The following ARHGAP24 variants were observed in gnomAD, a reference collection of about 807,000 sequenced individuals.
ARHGAP24 encodes the protein Rho GTPase activating protein 24.
A neutral mutation model predicts 76.4 loss-of-function variants in ARHGAP24; 50 were observed. The ratio of observed to expected loss-of-function variants is 0.65; its 90% confidence interval spans 0.52 to 0.83. The LOEUF (loss-of-function observed/expected upper bound fraction) is 0.83, where lower values mean the gene tolerates loss of function less well. Ranked by LOEUF, ARHGAP24 falls within the 40% of genes least tolerant of loss-of-function variation. The pLI, the probability that ARHGAP24 is intolerant of heterozygous loss-of-function variation, is 0.00. For missense variants in ARHGAP24, 930 were observed against 914.2 expected, an observed-to-expected ratio of 1.02 and a Z score of -0.22; for synonymous variants, 345 against 323.3, an observed-to-expected ratio of 1.07 and a Z score of -0.72.
intron 1 of ARHGAP24, among the ~76,000 whole-genome samples, chr4:85,481,703 G>A (rs1055128009): frequency 4.6e-5 from 7 of 152,168 alleles, no homozygotes; most frequent in Admixed American, 1.3e-4. Context: ...GGGGACATAC[G>A]TCCTGGGAGC....
At chr4:85,688,930 A>T (rs962395892) in intron 2 of ARHGAP24, among the ~76,000 whole-genome samples, 2 of 152,170 alleles carry the variant, frequency 1.3e-5, no homozygotes, top group African/African-American at 4.8e-5. Context: ...TACCAGAACC[A>T]TGCTTTTTTG....
rs1375545525 is a variant in ARHGAP24 at position 85,608,563 on chromosome 4, T to G, written c.180+37842T>G. ...TTTTTGTTTGGTTGTTTTTTTTTTTTTTTTTTTTTTTTTGAGACAGAGACT... is the reference window on the plus strand; with the variant it reads ...TTTTTGTTTGGTTGTTTTTTTTTTTGTTTTTTTTTTTTTGAGACAGAGACT... On this transcript the variant is annotated intron_variant, in intron 2 of 9. Transcript: ENST00000395184. 7.3e-5 allele frequency among the ~76,000 whole-genome samples: 10 copies of G among 137,326 alleles called. No homozygotes were observed. The South Asian group carries it at 2.3e-3, about 31-fold the overall frequency. 90.1% of individuals were successfully genotyped at this position (137,326 alleles called of 152,430 possible).
chr4:85,532,850 T>A (rs1179220631), intron 1 of ARHGAP24, among the ~76,000 whole-genome samples: 1 of 152,202 alleles, frequency 6.6e-6, no homozygotes, highest in Non-Finnish European at 1.5e-5. Context: ...CCACTGCTTT[T>A]TGTCAGTGAT....
chr4:85,912,546 T>C (rs1735148858), intron 3 of ARHGAP24, among the ~76,000 whole-genome samples: 1 of 152,210 alleles, frequency 6.6e-6, no homozygotes, highest in Non-Finnish European at 1.5e-5. Flanking sequence ...ATAATTTAGT[T>C]TTGTGCTATC....
chr4:85,717,087 C>T (rs778190629), intron 2 of ARHGAP24, among the ~76,000 whole-genome samples: 8 of 152,010 alleles, frequency 5.3e-5, no homozygotes, highest in Non-Finnish European at 7.4e-5. Flanking sequence ...GAATATCTAT[C>T]GTATTTACTA....
chr4:85,619,588 AAC>A (rs575297687), intron 2 of ARHGAP24, among the ~76,000 whole-genome samples: 214 of 152,050 alleles, frequency 1.4e-3, no homozygotes, highest in African/African-American at 5.1e-3. Flanking sequence ...CCAATCCACA[AAC>A]ACAGAATATC....
At chr4:85,609,114 A>C (rs984289427) in intron 2 of ARHGAP24, among the ~76,000 whole-genome samples, 3 of 152,180 alleles carry the variant, frequency 2.0e-5, no homozygotes, top group Admixed American at 2.0e-4. Flanking sequence ...TATCTAGTAA[A>C]GTGCTAGGAT....
chr4:85,778,882 A>G lies in ARHGAP24; in HGVS notation c.268+56910A>G, dbSNP rs551860123. On this transcript the variant is annotated intron_variant, in intron 3 of 9. Coordinates refer to ENST00000395184, the MANE Select transcript of ARHGAP24 (RefSeq NM_001025616.3). ...TCTGTACTTTTTTGCCAAAAGAATT[A>G]ACTTTAAACTGAAGGCAGTGGACAG... 26 of 985,464 alleles carry G rather than the reference A, an allele frequency of 2.6e-5. No homozygotes were observed. The South Asian group carries it at 1.1e-3, about 41-fold the overall frequency. The allele number at this position is 985,464 out of a possible 1,614,324, so 61.0% of individuals were successfully genotyped here.
At chr4:85,545,259 CG>C (rs1725875106) in intron 1 of ARHGAP24, among the ~76,000 whole-genome samples, 1 of 151,984 alleles carries the variant, frequency 6.6e-6, no homozygotes, top group South Asian at 2.1e-4. Context: ...ACCACCACAC[CG>C]GGCTAATTTT....
chr4:85,536,935 C>T (rs1725492115), intron 1 of ARHGAP24, among the ~76,000 whole-genome samples: 1 of 152,038 alleles, frequency 6.6e-6, no homozygotes. Flanking sequence ...TATTCAAAGG[C>T]ACAACAATTT....
chr4:85,651,293 G>A (rs6817221), intron 2 of ARHGAP24, among the ~76,000 whole-genome samples: 53,211 of 148,612 alleles, frequency 0.36, 11,976 homozygotes, highest in East Asian at 0.84. Flanking sequence ...GTGTAGCATA[G>A]ATTTGGGGGT....
intron 3 of ARHGAP24, among the ~76,000 whole-genome samples, chr4:85,724,369 G>A (rs1162308843): frequency 6.6e-6 from 1 of 151,860 alleles, no homozygotes; most frequent in African/African-American, 2.4e-5. Context: ...ACTAACAAAA[G>A]CCTCTAGCAA....
At chr4:85,922,948 T>A (rs1735809542) in intron 3 of ARHGAP24, among the ~76,000 whole-genome samples, 1 of 152,188 alleles carries the variant, frequency 6.6e-6, no homozygotes, top group South Asian at 2.1e-4. Flanking sequence ...CCATCAAGAT[T>A]TTGCACAGAG....
intron 1 of ARHGAP24, among the ~76,000 whole-genome samples, chr4:85,476,873 T>G (rs1490185048): frequency 6.6e-6 from 1 of 152,236 alleles, no homozygotes; most frequent in East Asian, 1.9e-4. Flanking sequence ...TCCTCTTTTC[T>G]GGGCATATTT....
At chr4:85,853,967 A>G (rs1479654745) in intron 3 of ARHGAP24, among the ~76,000 whole-genome samples, 1 of 127,162 alleles carries the variant, frequency 7.9e-6, no homozygotes, top group Non-Finnish European at 1.9e-5. Context: ...AAAAACAAAA[A>G]GACAAAAAAA....
At chr4:85,576,055 A>T (rs1727357631) in intron 2 of ARHGAP24, among the ~76,000 whole-genome samples, 1 of 152,230 alleles carries the variant, frequency 6.6e-6, no homozygotes. Context: ...GATTTTCTTA[A>T]CTTAGAGGAC....
chr4:85,744,050 A>G (rs1156561266), intron 3 of ARHGAP24, among the ~76,000 whole-genome samples: 1 of 152,188 alleles, frequency 6.6e-6, no homozygotes, highest in East Asian at 1.9e-4. Context: ...AAAAACAAAA[A>G]CAAAAACAAA....
chr4:85,874,662 C>T (rs1349366010), intron 3 of ARHGAP24, among the ~76,000 whole-genome samples: 2 of 149,672 alleles, frequency 1.3e-5, no homozygotes, highest in African/African-American at 2.5e-5. Context: ...GAAGTTCATG[C>T]CTAAGAAACA....
chr4:85,930,651 T>G, intron 4 of ARHGAP24: 1 of 1,108,096 alleles, frequency 9.0e-7, no homozygotes, highest in Non-Finnish European at 1.1e-6. Flanking sequence ...TCCTGTGACA[T>G]TTTGGAATGT....
Sources: allele counts gnomAD v4.1 joint callset (sites outside exome capture counted in the v4.1 genomes callset), GRCh38; gene constraint gnomAD v4.1.1; transcripts MANE v1.5; gene names NCBI Gene and HGNC (gene_info 2026-07-23, HGNC 2026-07-21).